Variants in ME1 observed in about 807,000 individuals in gnomAD.
ME1 encodes malic enzyme 1.
ME1 carries 74 observed loss-of-function variants against 66.4 expected under a neutral mutation model. The observed-to-expected ratio is 1.11, with a 90% CI of 0.92 to 1.35. The LOEUF is 1.35. ME1 is among the 40% of genes most tolerant of loss of function. The pLI, the probability that ME1 is intolerant of heterozygous loss-of-function variation, is 0.00. For synonymous variants in ME1, 251 were observed against 235.6 expected (o/e 1.07, Z -0.60); for missense variants, 750 against 694.1 (o/e 1.08, Z -0.90).
At chr6:83,419,394 A>G (rs1339919713) in intron 1 of ME1, among the ~76,000 whole-genome samples, 1 of 152,196 alleles carries the variant, frequency 6.6e-6, no homozygotes, top group Non-Finnish European at 1.5e-5. Context: ...AAATTCACAT[A>G]CATACTCCCA....
At chr6:83,320,063 A>G (rs1281295267) in intron 5 of ME1, among the ~76,000 whole-genome samples, 1 of 152,200 alleles carries the variant, frequency 6.6e-6, no homozygotes, top group Admixed American at 6.5e-5. Context: ...GGATGGTGAT[A>G]AGCATATTTT....
At chr6:83,331,284 T>G (rs1403165725) in intron 5 of ME1, among the ~76,000 whole-genome samples, 1 of 152,072 alleles carries the variant, frequency 6.6e-6, no homozygotes, top group African/African-American at 2.4e-5. Flanking sequence ...CCAATATGAC[T>G]GGTCCTTTTA....
At chr6:83,377,892 G>T (rs1410937955) in intron 3 of ME1, among the ~76,000 whole-genome samples, 1 of 151,966 alleles carries the variant, frequency 6.6e-6, no homozygotes, top group East Asian at 1.9e-4. Context: ...AATTTAAAAA[G>T]GTTTGAGGCA....
At chr6:83,300,924 T>A (rs1767703493) in intron 6 of ME1, among the ~76,000 whole-genome samples, 1 of 152,154 alleles carries the variant, frequency 6.6e-6, no homozygotes, top group Non-Finnish European at 1.5e-5. Context: ...GAAACCATCA[T>A]TCTCATCAAA....
At chr6:83,228,442 C>T (rs1285668499) in intron 10 of ME1, among the ~76,000 whole-genome samples, 1 of 152,134 alleles carries the variant, frequency 6.6e-6, no homozygotes, top group Non-Finnish European at 1.5e-5. Context: ...GTAGCCCCTC[C>T]CTTTACTCCC....
intron 11 of ME1, among the ~76,000 whole-genome samples, chr6:83,225,798 G>A (rs1445148360): frequency 1.6e-5 from 2 of 126,528 alleles, no homozygotes; most frequent in Non-Finnish European, 3.2e-5. Context: ...TGAGAAAGAG[G>A]CCTGTAACAT....
intron 1 of ME1, among the ~76,000 whole-genome samples, chr6:83,419,334 A>C (rs1180707570): frequency 6.6e-6 from 1 of 152,200 alleles, no homozygotes. Flanking sequence ...CAAATCATAG[A>C]TGGCTCAACC....
chr6:83,287,849 A>C (rs543521308), intron 6 of ME1, among the ~76,000 whole-genome samples: 1 of 152,238 alleles, frequency 6.6e-6, no homozygotes, highest in Non-Finnish European at 1.5e-5. Context: ...TGCCTTTCTA[A>C]CTGGAGTGAG....
intron 6 of ME1, among the ~76,000 whole-genome samples, chr6:83,308,600 T>G (rs148430612): frequency 6.6e-6 from 1 of 151,708 alleles, no homozygotes; most frequent in East Asian, 1.9e-4. Context: ...CTTCCATTCA[T>G]ACTTTTCATT....
At chr6:83,319,415 C>T (rs564734989) in intron 5 of ME1, among the ~76,000 whole-genome samples, 1 of 151,906 alleles carries the variant, frequency 6.6e-6, no homozygotes, top group African/African-American at 2.4e-5. Context: ...GGAAGGAGGC[C>T]TATTTTGAAA....
At chr6:83,410,229 CAATAG>C (rs1160227375) in intron 1 of ME1, among the ~76,000 whole-genome samples, 3 of 151,862 alleles carry the variant, frequency 2.0e-5, no homozygotes, top group African/African-American at 7.3e-5. Context: ...TTAACATAGT[CAATAG>C]AATATTTATA....
At chr6:83,244,099 G>A (rs372222685) in intron 7 of ME1, among the ~76,000 whole-genome samples, 1 of 151,444 alleles carries the variant, frequency 6.6e-6, no homozygotes, top group Admixed American at 6.6e-5. Context: ...TACTCAATAC[G>A]GAGACCCTCC....
chr6:83,372,306 T>A (rs1769205473), intron 3 of ME1, among the ~76,000 whole-genome samples: 1 of 152,214 alleles, frequency 6.6e-6, no homozygotes, highest in Admixed American at 6.5e-5. Context: ...ACTTCCTCTC[T>A]CTTCAAACAT....
intron 5 of ME1, among the ~76,000 whole-genome samples, chr6:83,321,022 G>T (rs943782967): frequency 6.6e-6 from 1 of 152,104 alleles, no homozygotes; most frequent in South Asian, 2.1e-4. Context: ...AGCAGGGTGG[G>T]GCATCGCTGC....
chr6:83,409,640 AAG>A (rs1344338056), intron 1 of ME1, among the ~76,000 whole-genome samples: 1 of 152,200 alleles, frequency 6.6e-6, no homozygotes, highest in Non-Finnish European at 1.5e-5. Flanking sequence ...GGCCAGACTG[AAG>A]AGAGACAAAT....
chr6:83,307,018 A>G (rs2128537730), intron 6 of ME1, among the ~76,000 whole-genome samples: 1 of 152,262 alleles, frequency 6.6e-6, no homozygotes, highest in East Asian at 1.9e-4. Flanking sequence ...TCAGAATGAA[A>G]CAGTAAACTT....
chr6:83,398,215 T>C (rs1006077574), intron 3 of ME1, 152 bp downstream of exon 3: 9 of 508,992 alleles, frequency 1.8e-5, no homozygotes, highest in East Asian at 3.7e-5. Context: ...CATTTCACAA[T>C]GTATACATGT....
chr6:83,285,729 C>T (rs1767385485), intron 6 of ME1, among the ~76,000 whole-genome samples: 1 of 152,118 alleles, frequency 6.6e-6, no homozygotes, highest in Non-Finnish European at 1.5e-5. Context: ...CAAGAAATAG[C>T]AAGATTTGGA....
chr6:83,379,175 T>G (rs1202367063), intron 3 of ME1, among the ~76,000 whole-genome samples: 1 of 152,138 alleles, frequency 6.6e-6, no homozygotes, highest in African/African-American at 2.4e-5. Context: ...AACAGTCACA[T>G]GTTAGGAATG....
Sources: gnomAD v4.1 joint callset for allele counts (sites outside exome capture counted in the v4.1 genomes callset) on GRCh38, gnomAD v4.1.1 for gene constraint, MANE v1.5 for transcripts, NCBI Gene and HGNC (gene_info 2026-07-23, HGNC 2026-07-21) for gene names.